Variants in CNOT1 observed in about 807,000 individuals in gnomAD.
CNOT1 encodes the protein CCR4-NOT transcription complex subunit 1.
In CNOT1, 15 loss-of-function variants were observed where a neutral mutation model predicts 273.8. That is an observed-to-expected ratio of 0.05 (90% CI 0.04 to 0.08). CNOT1 has a LOEUF of 0.08. CNOT1 is among the 10% of genes least tolerant of loss of function. CNOT1 has a pLI of 1.00. For missense variants in CNOT1, 1,644 were observed against 2,912.2 expected (o/e 0.56, Z 10.02); for synonymous variants, 1,022 against 1,005.5 (o/e 1.02, Z -0.31).
intron 16 of CNOT1, among the ~76,000 whole-genome samples, chr16:58,570,739 T>C (rs1018695036): frequency 1.3e-5 from 2 of 152,186 alleles, no homozygotes; most frequent in African/African-American, 4.8e-5. Flanking sequence ...CCATACTAAA[T>C]GAAATTTTTG....
intron 1 of CNOT1, among the ~76,000 whole-genome samples, chr16:58,609,873 ATAC>A (rs1270514942): frequency 6.7e-6 from 1 of 150,254 alleles, no homozygotes; most frequent in African/African-American, 2.4e-5. Flanking sequence ...ATATATAATA[ATAC>A]ATTAACATAT....
intron 40 of CNOT1, chr16:58,532,932 T>G (rs2039815425): frequency 1.9e-5 from 3 of 154,996 alleles, no homozygotes; most frequent in Admixed American, 1.9e-4. Context: ...TGTTTTAATA[T>G]TCAAATTTCC....
chr16:58,564,049 T>G (rs2040951111), intron 16 of CNOT1, among the ~76,000 whole-genome samples: 1 of 152,102 alleles, frequency 6.6e-6, no homozygotes, highest in South Asian at 2.1e-4. Context: ...ATAAGGAAGC[T>G]CTCTAATTGT....
In CNOT1 at chr16:58,580,711, G is replaced by A. The variant is rs2151973698; in HGVS notation, c.1265C>T (p.Ala422Val). The part of the protein sequence containing the change: ...SLINPEIFCF[A>V]DYPCHTVATD... Reference sequence around the variant, plus strand: ...GGCAACAGTATGACAGGGATAGTCAGCAAAACAGAAGATCTCTGGATTTAT... The same window carrying A: ...GGCAACAGTATGACAGGGATAGTCAACAAAACAGAAGATCTCTGGATTTAT... The change falls in exon 12 of 49, where the codon GCT becomes GTT. Residue 422 changes from alanine (A) to valine (V), a missense_variant. Physicochemically the swap from Ala to Val is moderately conservative, Grantham distance 64. This residue lies in a region of CNOT1 where 706 missense variants were observed against 1,021.2 expected (regional missense o/e 0.69). Coordinates refer to ENST00000317147, the MANE Select transcript of CNOT1 (RefSeq NM_016284.5). 2 of 1,613,346 alleles carry A rather than the reference G, an allele frequency of 1.2e-6. No individual in the cohort carries two copies. Among genetic ancestry groups the A allele is most frequent in the Middle Eastern group, 3.3e-4 (2 of 6,048 alleles).
intron 7 of CNOT1, 152 bp from the exon 8 acceptor site, chr16:58,585,658 C>T (rs893060757): frequency 1.8e-5 from 24 of 1,324,210 alleles, no homozygotes; most frequent in African/African-American, 1.0e-4. Flanking sequence ...GCCGAAGTTA[C>T]GACTTTAACA....
At chr16:58,581,653 ATTCTTTTTTT>A (rs2041659911) in intron 10 of CNOT1, 138 bp from the exon 11 acceptor site, 1 of 1,358,070 alleles carries the variant, frequency 7.4e-7, no homozygotes, top group South Asian at 1.7e-5. Context: ...TAAGAAACCC[ATTCTTTTTTT>A]TTCTTTTTTT....
At chr16:58,625,131 A>C (rs2043508628) in intron 1 of CNOT1, among the ~76,000 whole-genome samples, 1 of 152,104 alleles carries the variant, frequency 6.6e-6, no homozygotes, top group African/African-American at 2.4e-5. Flanking sequence ...CACACCTGTA[A>C]TCCCAGAACT....
Position 58,587,193 on chromosome 16 carries a change from T to C in CNOT1, c.433+8A>G. 1 of 1,609,486 alleles carries C rather than the reference T, an allele frequency of 6.2e-7. No homozygotes were observed. Among genetic ancestry groups the C allele is most frequent in the Non-Finnish European group, 8.5e-7 (1 of 1,178,926 alleles). On this transcript the variant is annotated splice_region_variant and intron_variant, in intron 6 of 48. Transcript: ENST00000317147. Reference sequence around the variant, plus strand: ...CACTTCGTGATATTTTTGGAAAAAGTAACTCACCGAAACCTCTAAGATCTG... The same window carrying C: ...CACTTCGTGATATTTTTGGAAAAAGCAACTCACCGAAACCTCTAAGATCTG...
rs183324331 is a variant in CNOT1 at position 58,610,000 on chromosome 16, T to C, written c.-174-10489A>G. ...CACCATGTACTCACTTCAGGTATTA[T>C]AGAAAACACAAAAGGAAACATTGAC... On this transcript the variant is annotated intron_variant, in intron 1 of 48. Coordinates refer to ENST00000317147, the MANE Select transcript of CNOT1 (RefSeq NM_016284.5). Among the ~76,000 whole-genome samples, 468 of 152,268 alleles carry C rather than the reference T, an allele frequency of 3.1e-3. 1 individual carries two copies. Among genetic ancestry groups the C allele is most frequent in the African/African-American group, 0.01 (430 of 41,552 alleles).
intron 13 of CNOT1, among the ~76,000 whole-genome samples, chr16:58,577,607 G>GC (rs1328910313): frequency 6.6e-6 from 1 of 152,122 alleles, no homozygotes; most frequent in Non-Finnish European, 1.5e-5. Context: ...GGGGAAGAAA[G>GC]TTTTTTTCTG....
chr16:58,528,377 G>A (rs750406221), intron 44 of CNOT1, 98 bp downstream of exon 44: 13 of 814,556 alleles, frequency 1.6e-5, no homozygotes, highest in Non-Finnish European at 2.1e-5. Context: ...AATAGTGTGC[G>A]TGTTATGTTG....
At chr16:58,577,288 G>C (rs1019591066) in intron 13 of CNOT1, among the ~76,000 whole-genome samples, 8 of 152,186 alleles carry the variant, frequency 5.3e-5, no homozygotes, top group African/African-American at 1.9e-4. Context: ...CAAGTGAGGA[G>C]ATGCAGCTCG....
intron 2 of CNOT1, 166 bp downstream of exon 2, chr16:58,599,070 A>AAT: frequency 1.4e-6 from 1 of 729,634 alleles, no homozygotes; most frequent in Non-Finnish European, 2.1e-6. Flanking sequence ...AAAAAAAAAA[A>AAT]GATTGGGCTA....
intron 1 of CNOT1, among the ~76,000 whole-genome samples, chr16:58,621,016 ACTTTT>A (rs2043290269): frequency 1.5e-5 from 1 of 65,284 alleles, no homozygotes; most frequent in African/African-American, 8.1e-5. Flanking sequence ...CAAAAAGATA[ACTTTT>A]TTTTTTTCTT....
intron 1 of CNOT1, among the ~76,000 whole-genome samples, chr16:58,602,939 A>C (rs1351389727): frequency 6.6e-6 from 1 of 152,126 alleles, no homozygotes; most frequent in Admixed American, 6.6e-5. Flanking sequence ...CACACCCTGC[A>C]AAGCACTCCC....
chr16:58,603,873 A>G (rs947036739), intron 1 of CNOT1, among the ~76,000 whole-genome samples: 2 of 152,178 alleles, frequency 1.3e-5, no homozygotes, highest in Non-Finnish European at 2.9e-5. Context: ...ACTAACACAT[A>G]TCATACTTAT....
intron 15 of CNOT1, 36 bp from the exon 16 acceptor site, chr16:58,574,796 T>G: frequency 6.3e-7 from 1 of 1,580,740 alleles, no homozygotes; most frequent in Non-Finnish European, 8.5e-7. Context: ...GTATTTAAAA[T>G]TGATCTTAAA....
Position 58,613,651 on chromosome 16 carries a change from G to T in CNOT1, c.-174-14140C>A, listed in dbSNP as rs561466192. Among the ~76,000 whole-genome samples the T allele has an allele frequency of 1.6e-5, 2 of 124,010 alleles. 1 individual carries two copies. The highest frequency in any genetic ancestry group is 3.8e-5 in the Non-Finnish European group (2 of 52,284). The allele number at this position is 124,010 out of a possible 152,430, so 81.4% of individuals were successfully genotyped here. On this transcript the variant is annotated intron_variant, in intron 1 of 48. Transcript: ENST00000317147. ...CTAAAAAAAGGACCCATAAATAATA[G>T]AAATTATCTATTGAGGGGAAAAAAA... is the stretch of plus-strand genomic sequence containing the variant.
intron 16 of CNOT1, among the ~76,000 whole-genome samples, chr16:58,561,180 A>C (rs2151943905): frequency 6.6e-6 from 1 of 152,298 alleles, no homozygotes; most frequent in East Asian, 1.9e-4. Context: ...TGAGAAGGGA[A>C]AGCGGAAGGA....
Sources: allele counts gnomAD v4.1 joint callset (sites outside exome capture counted in the v4.1 genomes callset), GRCh38; gene constraint gnomAD v4.1.1; regional missense constraint gnomAD v4.1.1; transcripts MANE v1.5; gene names NCBI Gene and HGNC (gene_info 2026-07-23, HGNC 2026-07-21).